PCDHGA4: variants seen among roughly 807,000 people sequenced by gnomAD.
The protein encoded by PCDHGA4 is protocadherin gamma subfamily A, 4, also known as protocadherin gamma-A4.
PCDHGA4 carries 38 observed loss-of-function variants against 54.6 expected under a neutral mutation model. That is an observed-to-expected ratio of 0.70 (90% CI 0.54 to 0.91). PCDHGA4 has a LOEUF of 0.91. PCDHGA4 is among the 40% of genes least tolerant of loss of function. PCDHGA4 has a pLI of 0.00. For synonymous variants in PCDHGA4, 511 were observed against 512.9 expected, an observed-to-expected ratio of 1.00 and a Z score of 0.05; for missense variants, 1,298 against 1,220.9, an observed-to-expected ratio of 1.06 and a Z score of -0.94.
At position 141,486,873 on chromosome 5, in the gene PCDHGA4, G is replaced by A. The variant is rs769661146; in HGVS notation, c.2515-7934G>A. On this transcript the variant is annotated intron_variant, in intron 1 of 3. Transcript: ENST00000571252. This position sits in a 1 kb window ranked among gnomAD's most constrained non-coding sequence, Gnocchi z 5.0. ...AATGACAATGCTCCAGCTGTGCTCCGTCCTCGGGCCCGGCCTGGTTCCTTA... is the reference window on the plus strand; with the variant it reads ...AATGACAATGCTCCAGCTGTGCTCCATCCTCGGGCCCGGCCTGGTTCCTTA... 1.6e-5 allele frequency: 26 copies of A among 1,614,082 alleles called. No individual in the cohort carries two copies. Among genetic ancestry groups the A allele is most frequent in the African/African-American group, 4.0e-5 (3 of 74,922 alleles).
intron 1 of PCDHGA4, among the ~76,000 whole-genome samples, chr5:141,445,961 G>T (rs944876169): frequency 1.3e-5 from 2 of 152,158 alleles, no homozygotes; most frequent in Non-Finnish European, 2.9e-5. Context: ...GCTATATGGA[G>T]AATTGATTTA....
Position 141,476,500 on chromosome 5 carries a change from C to A in PCDHGA4, c.2515-18307C>A. The A allele has an allele frequency of 6.2e-7, 1 of 1,613,874 alleles. No homozygotes were observed. The highest frequency in any genetic ancestry group is 8.5e-7 in the Non-Finnish European group (1 of 1,179,950). ...GCGTGGAAGTGGTGATCCAGGACAT[C>A]AACGACAACAATCCTGCTTTCCCTA... On this transcript the variant is annotated intron_variant, in intron 1 of 3. Coordinates refer to ENST00000571252, the MANE Select transcript of PCDHGA4 (RefSeq NM_018917.4). The surrounding 1 kb of genome is among the most constrained non-coding windows in gnomAD (Gnocchi z 7.6).
chr5:141,476,196 A>G lies in PCDHGA4; in HGVS notation c.2515-18611A>G, dbSNP rs2099386612. The G allele has an allele frequency of 6.2e-7, 1 of 1,613,852 alleles. No individual in the cohort carries two copies. Among genetic ancestry groups the G allele is most frequent in the South Asian group, 1.1e-5 (1 of 91,074 alleles). ...GTTTTGCTTCTGCTTGGTGCCTTGA[A>G]CAAGGCTTCCACGGTCATTCACTAT... On this transcript the variant is annotated intron_variant, in intron 1 of 3. Coordinates refer to ENST00000571252, the MANE Select transcript of PCDHGA4 (RefSeq NM_018917.4). This position sits in a 1 kb window ranked among gnomAD's most constrained non-coding sequence, Gnocchi z 7.6.
intron 1 of PCDHGA4, among the ~76,000 whole-genome samples, chr5:141,481,593 G>A (rs575017133): frequency 1.3e-5 from 2 of 152,172 alleles, no homozygotes; most frequent in African/African-American, 2.4e-5. Context: ...TGAGGCCAGC[G>A]GATCACCTGA....
rs1302496204 is a variant in PCDHGA4, at chr5:141,413,214, T to A, written c.2514+55593T>A. On this transcript the variant is annotated intron_variant, in intron 1 of 3. Coordinates refer to ENST00000571252, the MANE Select transcript of PCDHGA4 (RefSeq NM_018917.4). ...GGAATCGCTCAAAGGAATCAAAGGA[T>A]TGCAGCGGGCTGGTCCTGCTCTGCC... 6 of 1,613,176 alleles carry A rather than the reference T, an allele frequency of 3.7e-6. No homozygotes were observed. The African/African-American group carries it at 8.0e-5, about 22-fold the overall frequency.
intron 1 of PCDHGA4, chr5:141,418,015 G>C: frequency 6.2e-7 from 1 of 1,613,964 alleles, no homozygotes; most frequent in Non-Finnish European, 8.5e-7. Context: ...ACCTCGCTAA[G>C]GATCTAGGGC....
intron 1 of PCDHGA4, chr5:141,400,071 GC>G: frequency 6.2e-7 from 1 of 1,613,942 alleles, no homozygotes; most frequent in Non-Finnish European, 8.5e-7. Flanking sequence ...GTGGACAGCC[GC>G]CACTCTCCGC....
At position 141,427,736 on chromosome 5, in the gene PCDHGA4, A is replaced by G. The variant is rs781594851; in HGVS notation, c.2515-67071A>G. 3.3e-6 allele frequency: 4 copies of G among 1,214,562 alleles called. No individual in the cohort carries two copies. In the South Asian group the frequency reaches 4.9e-5, roughly 15 times the overall value. The allele number at this position is 1,214,562 out of a possible 1,614,324, so 75.2% of individuals were successfully genotyped here. ...ACCTGGACCTAGGGCTGAATGGCCA[A>G]GTCTCCTACTCCATCGTTACCACTG... On this transcript the variant is annotated intron_variant, in intron 1 of 3. Coordinates refer to ENST00000571252, the MANE Select transcript of PCDHGA4 (RefSeq NM_018917.4).
Position 141,355,744 on chromosome 5 carries a change from G to T in PCDHGA4, c.637G>T (p.Val213Leu). 1.2e-6 allele frequency: 2 copies of T among 1,613,960 alleles called. No individual in the cohort carries two copies. Among genetic ancestry groups the T allele is most frequent in the South Asian group, 1.1e-5 (1 of 91,072 alleles). ...CTCAAACGGTTACTTTTCCCTGGAC[G>T]TGCAAAGTGGGGCCGATGGGATTAA... ...LNSNGYFSLD[V>L]QSGADGIKYP... The change falls in exon 1 of 4, where the codon GTG becomes TTG. Residue 213 changes from valine (V) to leucine (L), a missense_variant. Physicochemically the swap from Val to Leu is conservative, Grantham distance 32. Coordinates refer to ENST00000571252, the MANE Select transcript of PCDHGA4 (RefSeq NM_018917.4).
intron 1 of PCDHGA4, among the ~76,000 whole-genome samples, chr5:141,454,796 A>AT (rs61612330): frequency 0.026 from 2,045 of 77,400 alleles, 387 homozygotes; most frequent in East Asian, 0.04. Flanking sequence ...CATGGTTCTA[A>AT]TTTTTTTTTT....
chr5:141,439,625 CCA>C (rs1281773200), intron 1 of PCDHGA4, among the ~76,000 whole-genome samples: 1 of 152,150 alleles, frequency 6.6e-6, no homozygotes, highest in African/African-American at 2.4e-5. Flanking sequence ...GAGCCAATCC[CCA>C]GACATTCCGG....
chr5:141,490,641 G>A lies in PCDHGA4; in HGVS notation c.2515-4166G>A. 3 of 1,614,160 alleles carry A rather than the reference G, an allele frequency of 1.9e-6. No homozygotes were observed. On this transcript the variant is annotated intron_variant, in intron 1 of 3. Transcript: ENST00000571252. This position sits in a 1 kb window ranked among gnomAD's most constrained non-coding sequence, Gnocchi z 5.4. Reference sequence around the variant, plus strand: ...ACACTGCTTACATCCTAGAAAACCGGCCTCCGGGCTCCCTTCTTTGCACTG... The same window carrying A: ...ACACTGCTTACATCCTAGAAAACCGACCTCCGGGCTCCCTTCTTTGCACTG...
chr5:141,424,750 A>T (rs2096838482), intron 1 of PCDHGA4: 1 of 152,114 alleles, frequency 6.6e-6, no homozygotes, highest in Admixed American at 6.5e-5. Context: ...CTTTCTTTAT[A>T]AGGTCATTCT....
chr5:141,375,040 T>C (rs1771075321), intron 1 of PCDHGA4: 4 of 1,614,056 alleles, frequency 2.5e-6, no homozygotes, highest in Non-Finnish European at 3.4e-6. Flanking sequence ...AGCTGGGTGT[T>C]GAAGCCCGGG....
intron 1 of PCDHGA4, chr5:141,433,226 C>G (rs1433770157): frequency 6.6e-7 from 1 of 1,514,890 alleles, no homozygotes; most frequent in Non-Finnish European, 9.0e-7. Context: ...TTTTTAATTG[C>G]TCTGTCTCCC....
chr5:141,465,800 C>T (rs1486100601), intron 1 of PCDHGA4, among the ~76,000 whole-genome samples: 1 of 151,524 alleles, frequency 6.6e-6, no homozygotes, highest in African/African-American at 2.4e-5. Flanking sequence ...TTTAAGAAAC[C>T]CTTCAGGATC....
At chr5:141,418,013 A>G (rs769578436) in intron 1 of PCDHGA4, 45 of 1,613,788 alleles carry the variant, frequency 2.8e-5, no homozygotes, top group African/African-American at 4.0e-5. Flanking sequence ...GAACCTCGCT[A>G]AGGATCTAGG....
chr5:141,389,533 T>C (rs2091811622), intron 1 of PCDHGA4: 4 of 1,613,216 alleles, frequency 2.5e-6, no homozygotes, highest in South Asian at 2.2e-5. Flanking sequence ...CGCGTGTTAG[T>C]GGACGACCGC....
chr5:141,364,769 G>T (rs755884627), intron 1 of PCDHGA4: 1 of 1,614,012 alleles, frequency 6.2e-7, no homozygotes, highest in Admixed American at 1.7e-5. Flanking sequence ...TGAAAATGCG[G>T]CTGCAGGGAC....
Sources: allele counts gnomAD v4.1 joint callset (sites outside exome capture counted in the v4.1 genomes callset), GRCh38; gene constraint gnomAD v4.1.1; non-coding constraint Gnocchi (gnomAD v3.1); transcripts MANE v1.5; gene names NCBI Gene and HGNC (gene_info 2026-07-23, HGNC 2026-07-21).